Variants in INSR observed in about 807,000 individuals in gnomAD.
INSR encodes the protein insulin receptor, also known as IR.
INSR carries 67 observed loss-of-function variants against 142.6 expected under a neutral mutation model. That is an observed-to-expected ratio of 0.47 (90% confidence interval 0.39 to 0.58). The LOEUF (loss-of-function observed/expected upper bound fraction) is 0.58. Among genes scored for constraint, INSR ranks in the 20% least tolerant of loss-of-function variants. The pLI is 0.00. For synonymous variants in INSR, 756 were observed against 743.1 expected (o/e 1.02, Z -0.28); for missense variants, 1,248 against 1,833.2 (o/e 0.68, Z 5.83).
chr19:7,118,914 CAAAAA>C (rs59739401), intron 21 of INSR, among the ~76,000 whole-genome samples: 1,045 of 68,878 alleles, frequency 0.015, 17 homozygotes, highest in African/African-American at 0.055. Flanking sequence ...GATTCCGTCT[CAAAAA>C]AAAAAAAAAA....
intron 2 of INSR, among the ~76,000 whole-genome samples, chr19:7,234,023 C>T (rs538813466): frequency 6.6e-6 from 1 of 152,232 alleles, no homozygotes; most frequent in South Asian, 2.1e-4. Flanking sequence ...TCTCCTGCCT[C>T]AGCCTCCCTA....
intron 1 of INSR, among the ~76,000 whole-genome samples, chr19:7,283,388 A>C (rs1968259397): frequency 6.6e-6 from 1 of 152,066 alleles, no homozygotes; most frequent in South Asian, 2.1e-4. Flanking sequence ...CAAAAAGGGC[A>C]TTTGCATTCA....
intron 2 of INSR, among the ~76,000 whole-genome samples, chr19:7,194,723 G>C (rs1974699947): frequency 7.2e-6 from 1 of 139,486 alleles, no homozygotes; most frequent in African/African-American, 2.7e-5. Flanking sequence ...GTTTCACCAT[G>C]TTGGCCAGGC....
intron 1 of INSR, among the ~76,000 whole-genome samples, chr19:7,285,890 G>A (rs1222801923): frequency 6.6e-6 from 1 of 152,036 alleles, no homozygotes; most frequent in Admixed American, 6.6e-5. Context: ...TCCTAATTGT[G>A]GCAATAGCCA....
chr19:7,187,904 C>G (rs1250508189), intron 2 of INSR, among the ~76,000 whole-genome samples: 1 of 152,144 alleles, frequency 6.6e-6, no homozygotes, highest in African/African-American at 2.4e-5. Flanking sequence ...CAGATGACTA[C>G]CGTCTCCCAG....
chr19:7,217,644 C>T (rs1429707176), intron 2 of INSR, among the ~76,000 whole-genome samples: 2 of 152,220 alleles, frequency 1.3e-5, no homozygotes, highest in Non-Finnish European at 2.9e-5. Context: ...ACCGCAAGCT[C>T]CGCCTCCCAG....
chr19:7,210,424 C>G (rs1229377154), intron 2 of INSR, among the ~76,000 whole-genome samples: 3 of 151,196 alleles, frequency 2.0e-5, no homozygotes, highest in African/African-American at 4.9e-5. Flanking sequence ...CTAAAACACA[C>G]ACAAATTTAG....
chr19:7,172,447 G>C lies in INSR; in HGVS notation c.1124-13C>G. 1 of 1,613,430 alleles carries C rather than the reference G, an allele frequency of 6.2e-7. No individual in the cohort carries two copies. The highest frequency in any genetic ancestry group is 8.5e-7 in the Non-Finnish European group (1 of 1,179,590). ...GCTGCCAGATTGTCTAAGGAAAGGAGAGAATATCCAGTGGGTTTCTATAGA... is the reference window on the plus strand; with the variant it reads ...GCTGCCAGATTGTCTAAGGAAAGGACAGAATATCCAGTGGGTTTCTATAGA... On this transcript the variant is annotated splice_polypyrimidine_tract_variant and intron_variant, in intron 4 of 21. Coordinates refer to ENST00000302850, the MANE Select transcript of INSR (RefSeq NM_000208.4).
intron 2 of INSR, among the ~76,000 whole-genome samples, chr19:7,197,540 TGTGTGTCAGGTTCCAGAGTGGGA>T (rs1974793560): frequency 7.2e-6 from 1 of 138,538 alleles, no homozygotes; most frequent in African/African-American, 2.8e-5. Context: ...TGTGTGTGTG[TGTGTGTCAGGTTCCAGAGTGGGA>T]GTGTGTGTGT....
Position 7,157,447 on chromosome 19 carries a change from G to C in INSR, c.2030-4520C>G, listed in dbSNP as rs1268742314. ...GTATTTTTTTTTTTTTTTTTTGGTA[G>C]AGACAGAGTTTTGCTGTGTTGGCCA... On this transcript the variant is annotated intron_variant, in intron 9 of 21. Transcript: ENST00000302850. Among the ~76,000 whole-genome samples, 3 of 117,764 alleles carry C rather than the reference G, an allele frequency of 2.5e-5. No individual in the cohort carries two copies. In the Admixed American group the frequency reaches 3.1e-4, roughly 12 times the overall value. The allele number at this position is 117,764 out of a possible 152,430, so 77.3% of individuals were successfully genotyped here. A position where few individuals can be genotyped will look rare whatever the true frequency, so the allele number is the denominator to read the frequency against.
At chr19:7,287,429 T>C (rs1388398656) in intron 1 of INSR, among the ~76,000 whole-genome samples, 1 of 151,812 alleles carries the variant, frequency 6.6e-6, no homozygotes, top group Non-Finnish European at 1.5e-5. Flanking sequence ...CCAAAGTGCT[T>C]GGGATTACAG....
intron 21 of INSR, among the ~76,000 whole-genome samples, chr19:7,117,854 A>T (rs1051762123): frequency 1.4e-5 from 2 of 145,346 alleles, no homozygotes; most frequent in Non-Finnish European, 3.0e-5. Flanking sequence ...TGATCCACCC[A>T]CCTTGGCCTC....
At chr19:7,218,539 GT>G (rs934457680) in intron 2 of INSR, among the ~76,000 whole-genome samples, 27 of 152,026 alleles carry the variant, frequency 1.8e-4, no homozygotes, top group African/African-American at 5.5e-4. Context: ...TTTTCTGTTT[GT>G]TTGTTTCTTT....
In INSR at chr19:7,119,943, A is replaced by G. The variant is rs550892764; in HGVS notation, c.3660-360T>C. ...AAACACATCTCTTGGTTTCTAGAAC[A>G]TGGTTAGCCACTTAATAAAACAATT... On this transcript the variant is annotated intron_variant, in intron 20 of 21. Coordinates refer to ENST00000302850, the MANE Select transcript of INSR (RefSeq NM_000208.4). The surrounding 1 kb of genome is among the most constrained non-coding windows in gnomAD (Gnocchi z 5.2). Among the ~76,000 whole-genome samples, 67 of 152,308 alleles carry G rather than the reference A, an allele frequency of 4.4e-4. No homozygotes were observed. Among genetic ancestry groups the G allele is most frequent in the African/African-American group, 1.3e-3 (53 of 41,570 alleles).
intron 13 of INSR, among the ~76,000 whole-genome samples, chr19:7,137,298 G>A (rs367653281): frequency 2.2e-4 from 33 of 151,078 alleles, no homozygotes; most frequent in African/African-American, 8.0e-4. Flanking sequence ...TCATGCCCAA[G>A]CCAATCAGCA....
rs1568243471 is a variant in INSR, at chr19:7,293,792, C to T, written c.100G>A (p.Val34Met). ...GAAGHLYPGE[V>M]CPGMDIRNNL... ...CCCACGCCCGCGCCCCCAGACTCACCCTCTCCGGGGTACAGGTGGCCCGCG... is the reference window on the plus strand; with the variant it reads ...CCCACGCCCGCGCCCCCAGACTCACTCTCTCCGGGGTACAGGTGGCCCGCG... Residue 34 changes from valine (V) to methionine (M), a missense_variant and splice_region_variant, in exon 1 of 22, where the codon GTG (valine) becomes ATG (methionine). Transcript: ENST00000302850. 2 of 1,361,588 alleles carry T rather than the reference C, an allele frequency of 1.5e-6. No homozygotes were observed. Among genetic ancestry groups the T allele is most frequent in the Non-Finnish European group, 1.9e-6 (2 of 1,052,382 alleles). The allele number at this position is 1,361,588 out of a possible 1,614,324, so 84.3% of individuals were successfully genotyped here. A position where few individuals can be genotyped will look rare whatever the true frequency, so the allele number is the denominator to read the frequency against.
intron 2 of INSR, among the ~76,000 whole-genome samples, chr19:7,218,118 C>A (rs1190837531): frequency 2.0e-5 from 3 of 151,982 alleles, no homozygotes. Context: ...TAAACACGTT[C>A]CACCTCCATA....
intron 13 of INSR, among the ~76,000 whole-genome samples, chr19:7,139,975 C>T (rs1049599411): frequency 5.9e-5 from 9 of 152,156 alleles, no homozygotes; most frequent in African/African-American, 2.2e-4. Flanking sequence ...TTATAGGCGC[C>T]CACCATTACG....
chr19:7,135,758 CA>C (rs2070436390), intron 13 of INSR, among the ~76,000 whole-genome samples: 1 of 151,842 alleles, frequency 6.6e-6, no homozygotes, highest in Non-Finnish European at 1.5e-5. Context: ...ATCACGAGGT[CA>C]GGAGTTTGAG....
Sources: allele counts gnomAD v4.1 joint callset (sites outside exome capture counted in the v4.1 genomes callset), GRCh38; gene constraint gnomAD v4.1.1; non-coding constraint Gnocchi (gnomAD v3.1); transcripts MANE v1.5; gene names NCBI Gene and HGNC (gene_info 2026-07-23, HGNC 2026-07-21).